Variants in PCNX1 observed in about 807,000 individuals in gnomAD.
The protein encoded by PCNX1 is pecanex 1, also known as pecanex-like protein 1.
In PCNX1, 78 loss-of-function variants were observed where a neutral mutation model predicts 242.2. The ratio of observed to expected loss-of-function variants is 0.32; its 90% CI spans 0.27 to 0.39. The LOEUF (loss-of-function observed/expected upper bound fraction) is 0.39, where lower values mean the gene tolerates loss of function less well. Ranked by LOEUF, PCNX1 falls within the 10% of genes least tolerant of loss-of-function variation. PCNX1 has a pLI of 1.00. For missense variants in PCNX1, 2,581 were observed against 2,856.5 expected (o/e 0.90, Z 2.20); for synonymous variants, 1,024 against 1,032.9 (o/e 0.99, Z 0.17).
At chr14:70,922,920 C>T (rs1022150194) in intron 1 of PCNX1, among the ~76,000 whole-genome samples, 16 of 152,122 alleles carry the variant, frequency 1.1e-4, no homozygotes, top group Admixed American at 1.0e-3. Context: ...AATAATACCT[C>T]AAACAAATCT....
intron 1 of PCNX1, among the ~76,000 whole-genome samples, chr14:70,933,350 G>A (rs750639745): frequency 3.3e-5 from 5 of 152,178 alleles, no homozygotes; most frequent in Non-Finnish European, 5.9e-5. Context: ...TTCATTTAGA[G>A]TAGAGATCAG....
chr14:70,914,365 A>G (rs2056062376), intron 1 of PCNX1, among the ~76,000 whole-genome samples: 2 of 152,210 alleles, frequency 1.3e-5, no homozygotes, highest in South Asian at 2.1e-4. Flanking sequence ...GAAAGCAGCC[A>G]TATTTGTCAA....
chr14:70,931,736 T>C (rs1367915670), intron 1 of PCNX1, among the ~76,000 whole-genome samples: 5 of 152,226 alleles, frequency 3.3e-5, no homozygotes, highest in Non-Finnish European at 5.9e-5. Context: ...CTAGTGGTTG[T>C]TTCTGCCATA....
chr14:71,039,751 G>A (rs931391569), intron 19 of PCNX1, among the ~76,000 whole-genome samples: 6 of 152,042 alleles, frequency 3.9e-5, no homozygotes, highest in Admixed American at 1.3e-4. Flanking sequence ...CTAAAACCCC[G>A]AAAAGTCTCA....
intron 6 of PCNX1, among the ~76,000 whole-genome samples, chr14:70,986,415 A>G (rs2059003905): frequency 6.6e-6 from 1 of 152,232 alleles, no homozygotes; most frequent in South Asian, 2.1e-4. Context: ...GCTATTTTGC[A>G]GATAACAAAA....
Position 71,057,694 on chromosome 14 carries a change from A to G in PCNX1, c.4822A>G (p.Thr1608Ala). ...TATAGAGATAGGCAATGGTCTGGTC[A>G]CTTTTCAGCTGCGGGGACTTGAATT... ...HLIEIGNGLVTFQLRGLEFRG... is the reference protein window; with the variant it reads ...HLIEIGNGLVAFQLRGLEFRG... The change falls in exon 26 of 36, where the codon ACT (threonine) becomes GCT (alanine). Residue 1608 changes from threonine to alanine, a missense_variant. Physicochemically the swap from Thr to Ala is moderately conservative, Grantham distance 58. Around this residue, in one of 9 missense-constraint regions of PCNX1, gnomAD observed 54 missense variants for 45.3 expected, o/e 1.19. Coordinates refer to ENST00000304743, the MANE Select transcript of PCNX1 (RefSeq NM_014982.3). 1 of 1,613,676 alleles carries G rather than the reference A, an allele frequency of 6.2e-7. No individual in the cohort carries two copies. Among genetic ancestry groups the G allele is most frequent in the Non-Finnish European group, 8.5e-7 (1 of 1,179,660 alleles).
At chr14:70,975,575 A>G (rs1330405497) in intron 5 of PCNX1, among the ~76,000 whole-genome samples, 2 of 152,158 alleles carry the variant, frequency 1.3e-5, no homozygotes, top group African/African-American at 4.8e-5. Flanking sequence ...TCTACTGGGA[A>G]GACTCAGATT....
intron 19 of PCNX1, among the ~76,000 whole-genome samples, chr14:71,041,261 C>T (rs1039969055): frequency 3.9e-5 from 6 of 152,064 alleles, no homozygotes; most frequent in Non-Finnish European, 7.4e-5. Flanking sequence ...AACTGTTCTC[C>T]GTAGTGGTTG....
Position 70,907,823 on chromosome 14 carries a change from G to A in PCNX1, c.-28G>A, listed in dbSNP as rs1241666688. The A allele has an allele frequency of 1.6e-6, 2 of 1,250,054 alleles. No homozygotes were observed. Among genetic ancestry groups the A allele is most frequent in the African/African-American group, 1.6e-5 (1 of 63,590 alleles). The allele number at this position is 1,250,054 out of a possible 1,614,324, so 77.4% of individuals were successfully genotyped here. On this transcript the variant is annotated 5_prime_UTR_variant, in exon 1 of 36. Transcript: ENST00000304743. ...CGGGGCGGGGACGGCGGCGGCGGCG[G>A]CGGCGACGGCGGCGGCGCCGGGTGG...
At chr14:71,056,613 C>T (rs1566755967) in intron 25 of PCNX1, among the ~76,000 whole-genome samples, 1 of 152,114 alleles carries the variant, frequency 6.6e-6, no homozygotes, top group Non-Finnish European at 1.5e-5. Flanking sequence ...TATCGCTTTG[C>T]ATGAGTTACT....
chr14:70,974,244 G>GTTTTTTTTTTTTTTTTTTTTTTTGT (rs1202073692), intron 5 of PCNX1, among the ~76,000 whole-genome samples: 1 of 117,246 alleles, frequency 8.5e-6, no homozygotes, highest in Non-Finnish European at 1.8e-5. Context: ...TTTTTTTGTT[G>GTTTTTTTTTTTTTTTTTTTTTTTGT]TTTTTTTTTT....
At position 71,109,052 on chromosome 14, in the gene PCNX1, T is replaced by C. The variant is rs894857565; in HGVS notation, c.6744+6T>C. 3.7e-6 allele frequency: 6 copies of C among 1,602,040 alleles called. No homozygotes were observed. Among genetic ancestry groups the C allele is most frequent in the Non-Finnish European group, 5.1e-6 (6 of 1,172,890 alleles). ...AAGTGATTTACAGAGTCCAAGTAAG[T>C]AAGCCCAGAGGTGGTCTTGTGCTGT... On this transcript the variant is annotated splice_donor_region_variant and intron_variant, in intron 34 of 35. Transcript: ENST00000304743.
intron 7 of PCNX1, among the ~76,000 whole-genome samples, chr14:70,991,357 AC>A (rs2059160955): frequency 6.6e-6 from 1 of 152,006 alleles, no homozygotes; most frequent in Admixed American, 6.6e-5. Flanking sequence ...GGTGCCCGCC[AC>A]CATGCCCAGC....
At position 71,076,280 on chromosome 14, in the gene PCNX1, G is replaced by A. The variant is rs770763947; in HGVS notation, c.5198G>A (p.Arg1733His). The A allele has an allele frequency of 1.0e-4, 167 of 1,613,712 alleles. 2 individuals are homozygous for A. The highest frequency in any genetic ancestry group is 9.1e-4 in the South Asian group (83 of 91,074). Residue 1733 changes from arginine to histidine, a missense_variant, in exon 28 of 36, where the codon CGC becomes CAC. By Grantham distance (29) the Arg-to-His change is conservative. Around this residue, in one of 9 missense-constraint regions of PCNX1, gnomAD observed 298 missense variants for 480.1 expected, o/e 0.62. Transcript: ENST00000304743. ...GAAGGACTTCGTCTGTGTGCTGATC[G>A]CAATTATGTCGATGTGGACCCGACC... Reference protein sequence around the residue: ...MQEGLRLCADRNYVDVDPTFN... With the variant: ...MQEGLRLCADHNYVDVDPTFN...
At chr14:70,939,898 T>G (rs1290627746) in intron 1 of PCNX1, among the ~76,000 whole-genome samples, 1 of 152,238 alleles carries the variant, frequency 6.6e-6, no homozygotes, top group Admixed American at 6.5e-5. Flanking sequence ...CTTCTTTGTC[T>G]CTTTTGATCT....
intron 1 of PCNX1, among the ~76,000 whole-genome samples, 163 bp downstream of exon 1, chr14:70,908,166 C>T (rs551361525): frequency 2.0e-5 from 3 of 152,270 alleles, no homozygotes; most frequent in Admixed American, 1.3e-4. Flanking sequence ...CTCCTCTCTT[C>T]GGGGCTTTCC....
In PCNX1 at chr14:70,988,553, C is replaced by T; in HGVS notation, c.2312-14C>T. On this transcript the variant is annotated splice_polypyrimidine_tract_variant and intron_variant, in intron 6 of 35. Coordinates refer to ENST00000304743, the MANE Select transcript of PCNX1 (RefSeq NM_014982.3). ...ACCTAGGCTCTTGTTTGACCTAAGT[C>T]TGTCTTGATGCAGCAGCACAAGCCA... The T allele has an allele frequency of 3.1e-6, 5 of 1,612,644 alleles. No individual in the cohort carries two copies. The highest frequency in any genetic ancestry group is 4.2e-6 in the Non-Finnish European group (5 of 1,178,848).
At chr14:71,105,698 C>T (rs1376262162) in intron 33 of PCNX1, among the ~76,000 whole-genome samples, 8 of 151,208 alleles carry the variant, frequency 5.3e-5, no homozygotes, top group South Asian at 2.1e-4. Flanking sequence ...CCTGCCACCA[C>T]GCCCGGCTAT....
intron 2 of PCNX1, among the ~76,000 whole-genome samples, chr14:70,950,567 A>AT (rs2057736070): frequency 6.6e-6 from 1 of 151,990 alleles, no homozygotes. Context: ...AATTCCCAAG[A>AT]TTTTACCATT....
Sources: allele counts gnomAD v4.1 joint callset (sites outside exome capture counted in the v4.1 genomes callset), GRCh38; gene constraint gnomAD v4.1.1; regional missense constraint gnomAD v4.1.1; transcripts MANE v1.5; gene names NCBI Gene and HGNC (gene_info 2026-07-23, HGNC 2026-07-21).